PDCL3: variants seen among roughly 807,000 people sequenced by gnomAD.
PDCL3 encodes phosducin-like protein 3.
A neutral mutation model predicts 26.5 loss-of-function variants in PDCL3; 22 were observed. The observed-to-expected ratio is 0.83, with a 90% CI of 0.59 to 1.19. PDCL3 has a LOEUF of 1.19. Ranked by LOEUF, PDCL3 falls within the 50% of genes most tolerant of loss-of-function variation. The pLI is 0.00. For synonymous variants in PDCL3, 81 were observed against 104.9 expected (o/e 0.77, Z 1.39); for missense variants, 246 against 294.1 (o/e 0.84, Z 1.20).
intron 5 of PDCL3, 56 bp from the exon 6 acceptor site, chr2:100,576,298 G>T (rs575664574): frequency 6.4e-6 from 10 of 1,562,438 alleles, no homozygotes; most frequent in Admixed American, 5.9e-5. Context: ...GACTTAGGGC[G>T]AGGGAACCTT....
chr2:100,564,726 C>G (rs1022206999), intron 1 of PDCL3, among the ~76,000 whole-genome samples: 1 of 152,202 alleles, frequency 6.6e-6, no homozygotes, highest in African/African-American at 2.4e-5. Flanking sequence ...TAGCAGTGTT[C>G]TTGCCACACC....
rs780692375 is a variant in PDCL3 at position 100,571,604 on chromosome 2, C to A, written c.383C>A (p.Ala128Asp). The change falls in exon 5 of 6, where the codon GCC becomes GAC. Residue 128 changes from alanine (A) to aspartate (D), a missense_variant. Transcript: ENST00000264254. Reference sequence around the variant, plus strand: ...GTGTTTTATAGAATTCCCCTCTGTGCCCTGATAAATCAGCACCTCAGTGGA... The same window carrying A: ...GTGTTTTATAGAATTCCCCTCTGTGACCTGATAAATCAGCACCTCAGTGGA... The part of the protein sequence containing the change: ...HLYKQGIPLC[A>D]LINQHLSGLA... 6.2e-7 allele frequency: 1 copy of A among 1,612,868 alleles called. No homozygotes were observed. The highest frequency in any genetic ancestry group is 8.5e-7 in the Non-Finnish European group (1 of 1,179,814).
intron 1 of PDCL3, among the ~76,000 whole-genome samples, chr2:100,565,010 C>CTTT (rs1675033044): frequency 6.6e-6 from 1 of 152,218 alleles, no homozygotes; most frequent in African/African-American, 2.4e-5. Flanking sequence ...TTCTGTCAGC[C>CTTT]AAGCCTCATC....
In PDCL3 at chr2:100,571,621, C is replaced by G. The variant is rs1393447328; in HGVS notation, c.400C>G (p.Leu134Val). 1 of 1,613,128 alleles carries G rather than the reference C, an allele frequency of 6.2e-7. No individual in the cohort carries two copies. Among genetic ancestry groups the G allele is most frequent in the South Asian group, 1.1e-5 (1 of 91,078 alleles). Residue 134 changes from leucine to valine, a missense_variant, in exon 5 of 6, where the codon CTC becomes GTC. Transcript: ENST00000264254. Reference protein sequence around the residue: ...IPLCALINQHLSGLARKFPDV... With the variant: ...IPLCALINQHVSGLARKFPDV... ...CCTCTGTGCCCTGATAAATCAGCACCTCAGTGGACTTGCCAGGAAGTTTCC... is the reference window on the plus strand; with the variant it reads ...CCTCTGTGCCCTGATAAATCAGCACGTCAGTGGACTTGCCAGGAAGTTTCC...
At chr2:100,571,915 T>C (rs1363894475) in intron 5 of PDCL3, 117 bp downstream of exon 5, 34 of 942,912 alleles carry the variant, frequency 3.6e-5, no homozygotes, top group Admixed American at 9.8e-5. Flanking sequence ...CTTCTGCCTG[T>C]GTATGAGGAC....
chr2:100,572,918 T>C (rs1675207883), intron 5 of PDCL3, among the ~76,000 whole-genome samples: 1 of 151,752 alleles, frequency 6.6e-6, no homozygotes, highest in Non-Finnish European at 1.5e-5. Context: ...GGAGTTTTGC[T>C]CTTTCGCTCA....
rs774985346 is a variant in PDCL3, at chr2:100,569,680, T to G, written c.327T>G (p.Ala109=). 6.2e-7 allele frequency: 1 copy of G among 1,613,954 alleles called. No individual in the cohort carries two copies. Among genetic ancestry groups the G allele is most frequent in the Non-Finnish European group, 8.5e-7 (1 of 1,179,936 alleles). ...ATTATGTTCAAGAAGTTACCAAAGC[T>G]GGCGAGGGCTTGTGGGTCATCTTGC... ...GKDYVQEVTK[A]GEGLWVILHL... The change falls in exon 4 of 6, where the codon GCT becomes GCG. Residue 109 remains alanine, a synonymous_variant. Coordinates refer to ENST00000264254, the MANE Select transcript of PDCL3 (RefSeq NM_024065.5).
chr2:100,575,261 G>A (rs997012842), intron 5 of PDCL3, among the ~76,000 whole-genome samples: 2 of 151,962 alleles, frequency 1.3e-5, no homozygotes, highest in African/African-American at 2.4e-5. Flanking sequence ...TCAGCCTCCC[G>A]AGTAGCTGGG....
In PDCL3 at chr2:100,563,063, A is replaced by C; in HGVS notation, c.-5A>C. 1.2e-6 allele frequency: 2 copies of C among 1,605,018 alleles called. No homozygotes were observed. The highest frequency in any genetic ancestry group is 1.3e-5 in the African/African-American group (1 of 74,862). On this transcript the variant is annotated 5_prime_UTR_variant, in exon 1 of 6. Transcript: ENST00000264254. The stretch of plus-strand genomic sequence containing the variant: ...GCTGGTTTGAGCAACTGAACTGGAA[A>C]CAAGATGCAGGTGAGCTAGGACGGG...
In PDCL3 at chr2:100,569,579, C is replaced by T. The variant is rs141145143; in HGVS notation, c.226C>T (p.Arg76Trp). Residue 76 changes from arginine (R) to tryptophan (W), a missense_variant and splice_region_variant, in exon 4 of 6, where the codon CGG becomes TGG. By Grantham distance (101) the Arg-to-Trp change is moderately radical (BLOSUM62 -3). Transcript: ENST00000264254. ...EDERAIEMYRRRRLAEWKATK... is the reference protein window; with the variant it reads ...EDERAIEMYRWRRLAEWKATK... ...TGTTTCTCTCCTTGTTTTGTGCAGA[C>T]GGCGGAGACTGGCTGAGTGGAAAGC... 9.0e-4 allele frequency: 1,456 copies of T among 1,612,526 alleles called. 3 individuals are homozygous for T. The highest frequency in any genetic ancestry group is 1.1e-3 in the Non-Finnish European group (1,334 of 1,179,648).
At chr2:100,567,928 T>C (rs929445816) in intron 2 of PDCL3, among the ~76,000 whole-genome samples, 3 of 152,004 alleles carry the variant, frequency 2.0e-5, no homozygotes, top group African/African-American at 7.3e-5. Context: ...GTTCAAGCGA[T>C]TCTCCTGCGT....
chr2:100,563,144 G>C lies in PDCL3; in HGVS notation c.6+71G>C, dbSNP rs1055492219. The C allele has an allele frequency of 3.1e-4, 474 of 1,525,622 alleles. 2 individuals carry two copies. Among genetic ancestry groups the C allele is most frequent in the Middle Eastern group, 4.3e-4 (2 of 4,620 alleles). 94.5% of individuals were successfully genotyped at this position (1,525,622 alleles called of 1,614,324 possible). ...TTGTCTCGTTAGGCCCGGGCGGGCA[G>C]TGGACGCCCGCCCTGGGGGAAGCTC... is the stretch of plus-strand genomic sequence containing the variant. On this transcript the variant is annotated intron_variant, in intron 1 of 5. Coordinates refer to ENST00000264254, the MANE Select transcript of PDCL3 (RefSeq NM_024065.5).
In PDCL3 at chr2:100,566,516, A is replaced by C. The variant is rs559546196; in HGVS notation, c.20A>C (p.Asp7Ala). Reference sequence around the variant, plus strand: ...CCGCTCTTCTAGGACCCCAACGCAGACACTGAATGGAATGACATCTTACGC... The same window carrying C: ...CCGCTCTTCTAGGACCCCAACGCAGCCACTGAATGGAATGACATCTTACGC... MQDPNA[D>A]TEWNDILRKK... The change falls in exon 2 of 6, where the codon GAC (aspartate) becomes GCC (alanine). Residue 7 changes from aspartate to alanine, a missense_variant. Physicochemically the swap from Asp to Ala is moderately radical, Grantham distance 126. Coordinates refer to ENST00000264254, the MANE Select transcript of PDCL3 (RefSeq NM_024065.5). 2.9e-5 allele frequency: 47 copies of C among 1,612,518 alleles called. 1 individual carries two copies. In the East Asian group the frequency reaches 9.6e-4, roughly 33 times the overall value.
At chr2:100,567,194 G>A (rs76385337) in intron 2 of PDCL3, among the ~76,000 whole-genome samples, 1 of 152,174 alleles carries the variant, frequency 6.6e-6, no homozygotes, top group Non-Finnish European at 1.5e-5. Context: ...TCTGATGCGT[G>A]TCATAGTTTG....
intron 1 of PDCL3, among the ~76,000 whole-genome samples, chr2:100,564,279 T>A (rs1431887960): frequency 1.4e-5 from 2 of 142,802 alleles, no homozygotes; most frequent in African/African-American, 2.7e-5. Flanking sequence ...GAAAGGATTC[T>A]GCTCTTTTTG....
intron 1 of PDCL3, chr2:100,563,333 T>C (rs1674991488): frequency 2.2e-6 from 1 of 457,254 alleles, no homozygotes; most frequent in South Asian, 4.2e-5. Flanking sequence ...TCGCGGTCTC[T>C]ACCCACCCGG....
chr2:100,571,335 T>G (rs911490870), intron 4 of PDCL3, among the ~76,000 whole-genome samples: 1 of 152,066 alleles, frequency 6.6e-6, no homozygotes, highest in African/African-American at 2.4e-5. Flanking sequence ...CCACTCACCT[T>G]GGCCTCCCAA....
At position 100,576,456 on chromosome 2, in the gene PDCL3, C is replaced by T. The variant is rs776615585; in HGVS notation, c.680C>T (p.Ser227Phe). 1 of 1,613,312 alleles carries T rather than the reference C, an allele frequency of 6.2e-7. No homozygotes were observed. The highest frequency in any genetic ancestry group is 1.1e-5 in the South Asian group (1 of 90,968). Residue 227 changes from serine to phenylalanine, a missense_variant, in exon 6 of 6, where the codon TCT becomes TTT. By Grantham distance (155) the Ser-to-Phe change is radical. Coordinates refer to ENST00000264254, the MANE Select transcript of PDCL3 (RefSeq NM_024065.5). ...GTGTTGCTGTCCTCAGTGCGGCGCT[C>T]TGTCCTCATGAAGAGGGACAGCGAT... Reference protein sequence around the residue: ...EDVLLSSVRRSVLMKRDSDSE... With the variant: ...EDVLLSSVRRFVLMKRDSDSE...
At chr2:100,575,216 A>G (rs1418511037) in intron 5 of PDCL3, among the ~76,000 whole-genome samples, 5 of 152,170 alleles carry the variant, frequency 3.3e-5, no homozygotes, top group Non-Finnish European at 7.4e-5. Context: ...GCTCACTGCA[A>G]GCTCCGCCTC....
Sources: gnomAD v4.1 joint callset for allele counts (sites outside exome capture counted in the v4.1 genomes callset) on GRCh38, gnomAD v4.1.1 for gene constraint, MANE v1.5 for transcripts, NCBI Gene and HGNC (gene_info 2026-07-23, HGNC 2026-07-21) for gene names.